Variants in HECW1 observed in about 807,000 individuals in gnomAD.
HECW1 encodes E3 ubiquitin-protein ligase HECW1.
Under a neutral mutation model 182.3 loss-of-function variants are expected in HECW1, and 61 were observed. That is an observed-to-expected ratio of 0.33 (90% CI 0.27 to 0.41). The LOEUF (loss-of-function observed/expected upper bound fraction) is 0.41, where lower values mean the gene tolerates loss of function less well. HECW1 is among the 10% of genes least tolerant of loss of function. The pLI, the probability that HECW1 is intolerant of heterozygous loss-of-function variation, is 1.00. For synonymous variants in HECW1, 859 were observed against 832.6 expected (o/e 1.03, Z -0.55); for missense variants, 1,739 against 2,108.9 (o/e 0.82, Z 3.44).
chr7:43,284,206 A>G (rs1804303865), intron 3 of HECW1, among the ~76,000 whole-genome samples: 1 of 149,374 alleles, frequency 6.7e-6, no homozygotes, highest in African/African-American at 2.6e-5. Flanking sequence ...ATCTGAAATA[A>G]TTTTCTTTTT....
At chr7:43,313,564 C>T (rs1002755042) in intron 4 of HECW1, among the ~76,000 whole-genome samples, 3 of 152,118 alleles carry the variant, frequency 2.0e-5, no homozygotes, top group African/African-American at 7.2e-5. Context: ...CTCGAACTCC[C>T]GACCTCAGGT....
chr7:43,426,859 C>T (rs2076378203), intron 8 of HECW1, among the ~76,000 whole-genome samples: 1 of 151,566 alleles, frequency 6.6e-6, no homozygotes, highest in Non-Finnish European at 1.5e-5. Flanking sequence ...TATATGCTTT[C>T]TATTTATTTT....
chr7:43,450,842 C>T lies in HECW1; in HGVS notation c.2413C>T (p.Leu805Phe). 9 of 1,607,662 alleles carry T rather than the reference C, an allele frequency of 5.6e-6. No individual in the cohort carries two copies. The highest frequency in any genetic ancestry group is 6.8e-6 in the Non-Finnish European group (8 of 1,174,142). Reference sequence around the variant, plus strand: ...CTTGTCCGTAGGTGAATGTCCTATACTCCATAATTCCCAGCCAGTAAGCCA... The same window carrying T: ...CTTGTCCGTAGGTGAATGTCCTATATTCCATAATTCCCAGCCAGTAAGCCA... ...SNRREGECPI[L>F]HNSQPVSQLP... The change falls in exon 12 of 30, where the codon CTC becomes TTC. Residue 805 changes from leucine (L) to phenylalanine (F), a missense_variant. Transcript: ENST00000395891.
At chr7:43,279,069 T>A (rs1220884129) in intron 3 of HECW1, among the ~76,000 whole-genome samples, 1 of 152,194 alleles carries the variant, frequency 6.6e-6, no homozygotes, top group Non-Finnish European at 1.5e-5. Context: ...GCAAGGACAG[T>A]GTTATTTCTT....
At chr7:43,550,826 A>G (rs1484356952) in intron 27 of HECW1, among the ~76,000 whole-genome samples, 2 of 152,232 alleles carry the variant, frequency 1.3e-5, no homozygotes, top group African/African-American at 4.8e-5. Context: ...TGGGTGAAAA[A>G]TGCTTTCAAG....
chr7:43,393,184 A>G (rs1008783683), intron 6 of HECW1, among the ~76,000 whole-genome samples: 11 of 152,032 alleles, frequency 7.2e-5, no homozygotes, highest in East Asian at 3.9e-4. Context: ...CAACAGAGAG[A>G]GGGGGGGCAA....
At chr7:43,310,226 G>C (rs1487114086) in intron 3 of HECW1, among the ~76,000 whole-genome samples, 1 of 152,078 alleles carries the variant, frequency 6.6e-6, no homozygotes, top group Non-Finnish European at 1.5e-5. Flanking sequence ...CCTCCTGGAG[G>C]GCTGTCAGTT....
chr7:43,185,022 C>T (rs1189151931), intron 2 of HECW1, among the ~76,000 whole-genome samples: 1 of 152,198 alleles, frequency 6.6e-6, no homozygotes, highest in Admixed American at 6.5e-5. Flanking sequence ...TCACCCCCAC[C>T]CCCTGCCAGG....
At chr7:43,475,395 A>G (rs145454820) in intron 16 of HECW1, among the ~76,000 whole-genome samples, 2 of 152,388 alleles carry the variant, frequency 1.3e-5, no homozygotes, top group Non-Finnish European at 2.9e-5. Context: ...AAAATAAAAT[A>G]AAGACTTAGA....
At chr7:43,476,097 G>A (rs2078210874) in intron 16 of HECW1, among the ~76,000 whole-genome samples, 3 of 152,094 alleles carry the variant, frequency 2.0e-5, no homozygotes, top group African/African-American at 7.2e-5. Context: ...CCTAAAGAAG[G>A]AGACAAAATT....
intron 3 of HECW1, among the ~76,000 whole-genome samples, chr7:43,264,799 G>A (rs925940705): frequency 1.8e-4 from 27 of 146,322 alleles, no homozygotes; most frequent in Admixed American, 3.5e-4. Context: ...AGCCGAGATC[G>A]CACCACTGCA....
chr7:43,152,182 C>T (rs771285011), intron 2 of HECW1, among the ~76,000 whole-genome samples: 1 of 119,288 alleles, frequency 8.4e-6, no homozygotes, highest in Non-Finnish European at 1.7e-5. Context: ...AGGAAATATT[C>T]TGTTAATGCA....
chr7:43,499,475 A>AG (rs2079250180), intron 19 of HECW1, among the ~76,000 whole-genome samples: 1 of 150,792 alleles, frequency 6.6e-6, no homozygotes, highest in African/African-American at 2.4e-5. Context: ...TCTCAAAAAA[A>AG]AAAGAAAGAA....
chr7:43,539,752 C>T (rs970024611), intron 24 of HECW1, among the ~76,000 whole-genome samples: 5 of 152,128 alleles, frequency 3.3e-5, no homozygotes, highest in African/African-American at 4.8e-5. Flanking sequence ...CCTAGATGGC[C>T]ACAACCCTAC....
At chr7:43,508,434 C>A (rs139293582) in intron 23 of HECW1, among the ~76,000 whole-genome samples, 60 of 152,302 alleles carry the variant, frequency 3.9e-4, no homozygotes, top group African/African-American at 1.4e-3. Context: ...TTAAAAAACT[C>A]TTTCTCTTAA....
At chr7:43,365,193 T>C (rs1816469478) in intron 6 of HECW1, among the ~76,000 whole-genome samples, 1 of 152,222 alleles carries the variant, frequency 6.6e-6, no homozygotes, top group Admixed American at 6.5e-5. Flanking sequence ...TGCCGGAGAC[T>C]CTGATGCAGT....
intron 2 of HECW1, among the ~76,000 whole-genome samples, chr7:43,181,269 A>G (rs1256018301): frequency 5.3e-5 from 8 of 150,894 alleles, no homozygotes; most frequent in African/African-American, 9.9e-5. Flanking sequence ...GGTTGTTTCC[A>G]TGGCTTGGCT....
intron 2 of HECW1, among the ~76,000 whole-genome samples, chr7:43,147,010 A>G (rs1191113449): frequency 6.6e-6 from 1 of 152,136 alleles, no homozygotes; most frequent in African/African-American, 2.4e-5. Flanking sequence ...GTGGCAGTGT[A>G]TTTGCATACC....
chr7:43,552,469 C>T (rs2081870709), intron 28 of HECW1, 133 bp downstream of exon 28: 1 of 662,088 alleles, frequency 1.5e-6, no homozygotes, highest in South Asian at 1.7e-5. Context: ...GCATTTAGTA[C>T]ATTCACAGTT....
Sources: allele counts gnomAD v4.1 joint callset (sites outside exome capture counted in the v4.1 genomes callset), GRCh38; gene constraint gnomAD v4.1.1; transcripts MANE v1.5; gene names NCBI Gene and HGNC (gene_info 2026-07-23, HGNC 2026-07-21).